The following AHNAK variants were observed in gnomAD, a reference collection of about 807,000 sequenced individuals.
The protein encoded by AHNAK is neuroblast differentiation-associated protein AHNAK.
In AHNAK, 23 loss-of-function variants were observed where a neutral mutation model predicts 37.8. That is an observed-to-expected ratio of 0.61 (90% CI 0.44 to 0.86). AHNAK has a LOEUF of 0.86. Ranked by LOEUF, AHNAK falls within the 40% of genes least tolerant of loss-of-function variation. The pLI, the probability that AHNAK is intolerant of heterozygous loss-of-function variation, is 0.00. For synonymous variants in AHNAK, 2,481 were observed against 2,636.3 expected (o/e 0.94, Z 1.80); for missense variants, 7,411 against 7,319.4 (o/e 1.01, Z -0.46).
At chr11:62,540,475 C>T (rs1941086277) in intron 1 of AHNAK, among the ~76,000 whole-genome samples, 1 of 152,092 alleles carries the variant, frequency 6.6e-6, no homozygotes, top group African/African-American at 2.4e-5. Context: ...TGCTAGCACA[C>T]AGCCCGGTGG....
intron 5 of AHNAK, among the ~76,000 whole-genome samples, chr11:62,444,051 G>A (rs1337186696): frequency 1.3e-5 from 2 of 152,174 alleles, no homozygotes; most frequent in Non-Finnish European, 2.9e-5. Flanking sequence ...TGGACACTCC[G>A]GGGAGTGTGG....
At chr11:62,444,176 T>C (rs1938374710) in intron 5 of AHNAK, among the ~76,000 whole-genome samples, 1 of 152,178 alleles carries the variant, frequency 6.6e-6, no homozygotes, top group African/African-American at 2.4e-5. Flanking sequence ...CAAAAGGCGT[T>C]CTTCTTTGGC....
Position 62,528,522 on chromosome 11 carries a change from C to A in AHNAK, c.5895G>T (p.Leu1965=). The A allele has an allele frequency of 6.2e-7, 1 of 1,611,412 alleles. No homozygotes were observed. Among genetic ancestry groups the A allele is most frequent in the African/African-American group, 1.3e-5 (1 of 74,232 alleles). The change falls in exon 5 of 5, where the codon CTG becomes CTT. Residue 1965 remains leucine, a synonymous_variant. Transcript: ENST00000378024. The stretch of plus-strand genomic sequence containing the variant: ...CTTTCAACTTTGCATCAGGACACTC[C>A]AGCTCAACATCAGGCACCTCCACAC... ...SVGVEVPDVE[L]ECPDAKLKGP...
intron 4 of AHNAK, among the ~76,000 whole-genome samples, chr11:62,509,760 A>C (rs1485456465): frequency 6.6e-6 from 1 of 151,986 alleles, no homozygotes; most frequent in Non-Finnish European, 1.5e-5. Context: ...CTACTAAAAA[A>C]TACAAAAATT....
chr11:62,509,782 G>A (rs1286607811), intron 4 of AHNAK, among the ~76,000 whole-genome samples: 1 of 152,034 alleles, frequency 6.6e-6, no homozygotes, highest in Admixed American at 6.5e-5. Flanking sequence ...GCCAGGTGTG[G>A]TGGCGGGCGC....
At chr11:62,445,230 T>G (rs887651889) in intron 5 of AHNAK, among the ~76,000 whole-genome samples, 1 of 152,174 alleles carries the variant, frequency 6.6e-6, no homozygotes, top group Non-Finnish European at 1.5e-5. Context: ...CTATTGTCAA[T>G]CAAACCAACC....
chr11:62,463,782 G>A (rs1938843528), intron 5 of AHNAK, among the ~76,000 whole-genome samples: 3 of 151,934 alleles, frequency 2.0e-5, no homozygotes, highest in South Asian at 4.2e-4. Flanking sequence ...GTTTTTTTGG[G>A]AGACAGAGTC....
intron 5 of AHNAK, among the ~76,000 whole-genome samples, chr11:62,469,560 G>A (rs1261379939): frequency 2.0e-5 from 3 of 151,790 alleles, no homozygotes; most frequent in Non-Finnish European, 4.4e-5. Flanking sequence ...CGCCTCCCAG[G>A]TTCAAGCAAT....
intron 5 of AHNAK, among the ~76,000 whole-genome samples, chr11:62,440,567 G>A (rs56299751): frequency 0.29 from 44,248 of 152,038 alleles, 8,356 homozygotes; most frequent in East Asian, 0.66. Context: ...GATGGCCACC[G>A]ATTGCAGTGG....
chr11:62,512,749 A>T (rs1170225519), downstream of AHNAK, among the ~76,000 whole-genome samples: 7 of 152,062 alleles, frequency 4.6e-5, no homozygotes, highest in Non-Finnish European at 1.0e-4. The surrounding 1 kb of genome is among the most constrained non-coding windows in gnomAD (Gnocchi z 4.0). Context: ...TACAAAAAAT[A>T]CAAAAATTAG....
In AHNAK at chr11:62,532,777, T is replaced by C. The variant is rs1448283385; in HGVS notation, c.1640A>G (p.Asn547Ser). ...KGSRVDIETP[N>S]LEGTLTGPRL... ...AGGGCCTGTCAAGGTTCCCTCTAGG[T>C]TTGGTGTCTCTATGTCCACTCTGGA... The change falls in exon 5 of 5, where the codon AAC becomes AGC. Residue 547 changes from asparagine (N) to serine (S), a missense_variant. By Grantham distance (46) the Asn-to-Ser change is conservative. Coordinates refer to ENST00000378024, the MANE Select transcript of AHNAK (RefSeq NM_001620.3). 1 of 1,614,118 alleles carries C rather than the reference T, an allele frequency of 6.2e-7. No individual in the cohort carries two copies. The highest frequency in any genetic ancestry group is 8.5e-7 in the Non-Finnish European group (1 of 1,180,014).
At chr11:62,510,920 T>A (rs56169988), downstream of AHNAK, among the ~76,000 whole-genome samples, 1 of 150,848 alleles carries the variant, frequency 6.6e-6, no homozygotes, top group Non-Finnish European at 1.5e-5. Flanking sequence ...AAATACACTT[T>A]AAAAAAAAAG....
chr11:62,444,960 G>A (rs1311715687), intron 5 of AHNAK, among the ~76,000 whole-genome samples: 2 of 152,168 alleles, frequency 1.3e-5, no homozygotes, highest in East Asian at 1.9e-4. Flanking sequence ...TCTGTTCCTC[G>A]CCCATTACCA....
rs141620695 is a variant in AHNAK at position 62,526,345 on chromosome 11, T to C, written c.8072A>G (p.Lys2691Arg). ...VNIEGPEGKLKGPKFKMPEMN... is the reference protein window; with the variant it reads ...VNIEGPEGKLRGPKFKMPEMN... ...CTCTGGCATCTTGAACTTAGGCCCTTTCAACTTTCCCTCTGGTCCTTCAAT... is the reference window on the plus strand; with the variant it reads ...CTCTGGCATCTTGAACTTAGGCCCTCTCAACTTTCCCTCTGGTCCTTCAAT... Residue 2691 changes from lysine (K) to arginine (R), a missense_variant, in exon 5 of 5, where the codon AAA becomes AGA. By Grantham distance (26) the Lys-to-Arg change is conservative (BLOSUM62 2). Coordinates refer to ENST00000378024, the MANE Select transcript of AHNAK (RefSeq NM_001620.3). The C allele has an allele frequency of 6.2e-4, 995 of 1,612,452 alleles. No individual in the cohort carries two copies. Among genetic ancestry groups the C allele is most frequent in the South Asian group, 1.2e-3 (113 of 90,980 alleles).
chr11:62,439,244 G>A (rs949685437), intron 5 of AHNAK, among the ~76,000 whole-genome samples: 16 of 151,494 alleles, frequency 1.1e-4, no homozygotes, highest in East Asian at 1.9e-4. Context: ...ACAAGCGCCC[G>A]CCACCACGCC....
Position 62,527,456 on chromosome 11 carries a change from A to C in AHNAK, c.6961T>G (p.Leu2321Val). The C allele has an allele frequency of 6.2e-7, 1 of 1,613,848 alleles. No individual in the cohort carries two copies. The change falls in exon 5 of 5, where the codon TTA becomes GTA. Residue 2321 changes from leucine to valine, a missense_variant. Transcript: ENST00000378024. ...TCTCCTTTGATTTTGGGTCCCTTTA[A>C]ATTGAAATCAACATCAGGCATGGAG... ...KISMPDVDFN[L>V]KGPKIKGDVD...
In AHNAK at chr11:62,533,200, C is replaced by A. The variant is rs781009936; in HGVS notation, c.1217G>T (p.Gly406Val). 1.3e-6 allele frequency: 2 copies of A among 1,527,886 alleles called. No individual in the cohort carries two copies. Among genetic ancestry groups the A allele is most frequent in the Admixed American group, 2.3e-5 (1 of 44,258 alleles). 94.6% of individuals were successfully genotyped at this position (1,527,886 alleles called of 1,614,324 possible). A position where few individuals can be genotyped will look rare whatever the true frequency, so the allele number is the denominator to read the frequency against. Residue 406 changes from glycine (G) to valine (V), a missense_variant, in exon 5 of 5, where the codon GGT (glycine) becomes GTT (valine). Physicochemically the swap from Gly to Val is moderately radical, Grantham distance 109. Transcript: ENST00000378024. ...TTCCACACTGGGGCCAGTGATGCTA[C>A]CCCCAATTTGGGGAGCAGAGGCATC... ...GVDASAPQIG[G>V]SITGPSVEVQ...
At chr11:62,447,415 T>C (rs986342757) in intron 5 of AHNAK, among the ~76,000 whole-genome samples, 1 of 152,018 alleles carries the variant, frequency 6.6e-6, no homozygotes, top group African/African-American at 2.4e-5. Context: ...ATCCCACCAA[T>C]AAAAGAGGCA....
rs778882911 is a variant in AHNAK at position 62,532,402 on chromosome 11, T to C, written c.2015A>G (p.Asn672Ser). 6.8e-6 allele frequency: 11 copies of C among 1,614,160 alleles called. No homozygotes were observed. The South Asian group carries it at 7.7e-5, about 11-fold the overall frequency. ...PKVNVEAPDV[N>S]LEGLGGKLKG... ...AAGTTTTCCCCCCAGACCCTCCAAGTTGACATCTGGGGCTTCCACATTGAC... is the reference window on the plus strand; with the variant it reads ...AAGTTTTCCCCCCAGACCCTCCAAGCTGACATCTGGGGCTTCCACATTGAC... Residue 672 changes from asparagine to serine, a missense_variant, in exon 5 of 5, where the codon AAC (asparagine) becomes AGC (serine). Asn to Ser is a conservative substitution (Grantham distance 46, BLOSUM62 1). Transcript: ENST00000378024.
Sources: gnomAD v4.1 joint callset for allele counts (sites outside exome capture counted in the v4.1 genomes callset) on GRCh38, gnomAD v4.1.1 for gene constraint, Gnocchi (gnomAD v3.1) non-coding constraint, MANE v1.5 for transcripts, NCBI Gene and HGNC (gene_info 2026-07-23, HGNC 2026-07-21) for gene names.